The following BIRC6 variants were observed in gnomAD, a reference collection of about 807,000 sequenced individuals.
BIRC6 encodes the protein dual E2 ubiquitin-conjugating enzyme/E3 ubiquitin-protein ligase BIRC6.
BIRC6 carries 98 observed loss-of-function variants against 503.3 expected under a neutral mutation model. The ratio of observed to expected loss-of-function variants is 0.19; its 90% CI spans 0.17 to 0.23. The LOEUF is 0.23. Among genes scored for constraint, BIRC6 ranks in the 10% least tolerant of loss-of-function variants. The pLI is 1.00. For synonymous variants in BIRC6, 2,240 were observed against 2,078.7 expected, an observed-to-expected ratio of 1.08 and a Z score of -2.11; for missense variants, 5,360 against 5,806.0, an observed-to-expected ratio of 0.92 and a Z score of 2.50.
chr2:32,478,865 A>T, intron 36 of BIRC6, 47 bp downstream of exon 36: 1 of 1,565,182 alleles, frequency 6.4e-7, no homozygotes, highest in East Asian at 2.2e-5. Context: ...TTACCTTGTC[A>T]TTGCTCAACT....
intron 9 of BIRC6, 25 bp downstream of exon 9, chr2:32,406,582 T>C: frequency 6.5e-7 from 1 of 1,549,610 alleles, no homozygotes; most frequent in Non-Finnish European, 8.9e-7. Context: ...TTAGATAATG[T>C]ATTTAAAAAA....
intron 55 of BIRC6, among the ~76,000 whole-genome samples, chr2:32,516,269 T>G (rs1422859622): frequency 1.3e-5 from 2 of 151,994 alleles, no homozygotes; most frequent in Admixed American, 6.6e-5. Context: ...ATCCCAGCAC[T>G]TTGGGAGGCT....
At chr2:32,426,720 C>G (rs766892578) in intron 10 of BIRC6, among the ~76,000 whole-genome samples, 3 of 152,228 alleles carry the variant, frequency 2.0e-5, no homozygotes, top group Non-Finnish European at 2.9e-5. Context: ...TATTCACCTA[C>G]TTACCATTTC....
intron 65 of BIRC6, among the ~76,000 whole-genome samples, chr2:32,558,440 G>T (rs1171215879): frequency 1.3e-5 from 2 of 152,040 alleles, no homozygotes; most frequent in Non-Finnish European, 2.9e-5. Context: ...TTTTTCCTTT[G>T]AAGATTAGAG....
chr2:32,496,974 A>T (rs187127219), intron 45 of BIRC6, among the ~76,000 whole-genome samples: 2 of 152,212 alleles, frequency 1.3e-5, no homozygotes, highest in Admixed American at 1.3e-4. Context: ...CTTATGAAAC[A>T]TTGTCTTTCA....
At position 32,515,628 on chromosome 2, in the gene BIRC6, C is replaced by A. The variant is rs7588124; in HGVS notation, c.11207C>A (p.Thr3736Asn). The change falls in exon 55 of 74, where the codon ACC becomes AAC. Residue 3736 changes from threonine (T) to asparagine (N), a missense_variant. This residue lies in a region of BIRC6 where 878 missense variants were observed against 928.9 expected (regional missense o/e 0.95). Coordinates refer to ENST00000421745, the MANE Select transcript of BIRC6 (RefSeq NM_016252.4). ...AGCCATAATTTAGGTGCACAACAGA[C>A]CAGTGCAAGATCAGCTTCTCTTTCT... ...SGSHNLGAQQTSARSASLSSA... is the reference protein window; with the variant it reads ...SGSHNLGAQQNSARSASLSSA... The A allele has an allele frequency of 9.8e-4, 1,580 of 1,613,080 alleles. 19 individuals are homozygous for A. The African/African-American group carries it at 0.018, about 19-fold the overall frequency.
chr2:32,512,101 C>A (rs905366995), intron 53 of BIRC6, among the ~76,000 whole-genome samples: 1 of 152,130 alleles, frequency 6.6e-6, no homozygotes, highest in Non-Finnish European at 1.5e-5. Flanking sequence ...ATAAAACTGA[C>A]ATTAATGACA....
intron 56 of BIRC6, 82 bp downstream of exon 56, chr2:32,518,479 TTC>T: frequency 1.4e-6 from 2 of 1,406,902 alleles, no homozygotes; most frequent in South Asian, 2.6e-5. Flanking sequence ...ACCTCCTATG[TTC>T]TAACTTCGAG....
chr2:32,512,699 C>T (rs1484930836), intron 53 of BIRC6, among the ~76,000 whole-genome samples: 1 of 152,100 alleles, frequency 6.6e-6, no homozygotes, highest in Non-Finnish European at 1.5e-5. Flanking sequence ...TATGTTATCT[C>T]AAACCTTTTG....
At chr2:32,518,529 T>C (rs1219147182) in intron 56 of BIRC6, 132 bp downstream of exon 56, 1 of 928,760 alleles carries the variant, frequency 1.1e-6, no homozygotes, top group East Asian at 2.6e-5. Flanking sequence ...TTATACCTAA[T>C]GACAGAACTT....
intron 67 of BIRC6, among the ~76,000 whole-genome samples, chr2:32,594,730 G>A (rs886217716): frequency 3.3e-5 from 5 of 152,006 alleles, no homozygotes; most frequent in African/African-American, 7.3e-5. Flanking sequence ...ATGGATGGAT[G>A]GACGGATGGA....
At chr2:32,434,204 T>A (rs991326479) in intron 13 of BIRC6, among the ~76,000 whole-genome samples, 1 of 152,148 alleles carries the variant, frequency 6.6e-6, no homozygotes, top group Admixed American at 6.6e-5. Flanking sequence ...ATACACTCAT[T>A]TTTATCTTTC....
In BIRC6 at chr2:32,467,602, T is replaced by G. The variant is rs541923964; in HGVS notation, c.5434T>G (p.Leu1812Val). 2.5e-5 allele frequency: 40 copies of G among 1,613,858 alleles called. No individual in the cohort carries two copies. The highest frequency in any genetic ancestry group is 2.9e-5 in the Non-Finnish European group (34 of 1,179,890). ...TDVLIPTCGDLASLSIDIWTL... is the reference protein window; with the variant it reads ...TDVLIPTCGDVASLSIDIWTL... ...TGTATTGATTCCCACTTGTGGAGAC[T>G]TGGCCTCTTTGTCAATTGACATTTG... is the stretch of plus-strand genomic sequence containing the variant. Residue 1812 changes from leucine to valine, a missense_variant, in exon 27 of 74, where the codon TTG becomes GTG. This residue lies in a region of BIRC6 where 2,299 missense variants were observed against 2,267.2 expected (regional missense o/e 1.01). Transcript: ENST00000421745.
At chr2:32,408,935 A>G (rs1419125782) in intron 9 of BIRC6, among the ~76,000 whole-genome samples, 1 of 152,136 alleles carries the variant, frequency 6.6e-6, no homozygotes, top group Non-Finnish European at 1.5e-5. Flanking sequence ...ATATTGGAAG[A>G]CCATTGGTGA....
chr2:32,478,292 C>T (rs865976617), intron 35 of BIRC6, among the ~76,000 whole-genome samples: 8 of 152,010 alleles, frequency 5.3e-5, no homozygotes, highest in Middle Eastern at 3.4e-3. Context: ...GAGCTGAAAT[C>T]GCGCCACTTC....
chr2:32,570,939 A>C lies in BIRC6; in HGVS notation c.13145-4217A>C, dbSNP rs541240999. ...TAGCCTCCCAAGTAGCTGGGAATAC[A>C]GGTTTTTGCCATCACATCTGGCTTA... On this transcript the variant is annotated intron_variant, in intron 65 of 73. Transcript: ENST00000421745. Among the ~76,000 whole-genome samples the C allele has an allele frequency of 3.9e-5, 6 of 152,208 alleles. No individual in the cohort carries two copies. In the East Asian group the frequency reaches 1.2e-3, roughly 29 times the overall value.
chr2:32,484,119 C>T (rs554621578), intron 39 of BIRC6, among the ~76,000 whole-genome samples: 58 of 152,228 alleles, frequency 3.8e-4, no homozygotes, highest in African/African-American at 1.3e-3. Context: ...TCAAGCAGTC[C>T]GCCCTCCTCA....
In BIRC6 at chr2:32,482,443, A is replaced by T; in HGVS notation, c.7557A>T (p.Thr2519=). The change falls in exon 39 of 74, where the codon ACA becomes ACT. Residue 2519 remains threonine (T), a synonymous_variant. Transcript: ENST00000421745. ...ATTCTTTTAAGCCAATAAGCAGTACATGGTATGATTATTGGGGTGCTGATT... is the reference window on the plus strand; with the variant it reads ...ATTCTTTTAAGCCAATAAGCAGTACTTGGTATGATTATTGGGGTGCTGATT... ...AAKVFKPISS[T]WYDYWGADYG... 6.2e-7 allele frequency: 1 copy of T among 1,613,860 alleles called. No homozygotes were observed. The highest frequency in any genetic ancestry group is 8.5e-7 in the Non-Finnish European group (1 of 1,179,826).
chr2:32,420,891 T>A (rs2042866114), intron 10 of BIRC6, among the ~76,000 whole-genome samples: 1 of 150,992 alleles, frequency 6.6e-6, no homozygotes, highest in Admixed American at 6.6e-5. Flanking sequence ...TGATTTGTAT[T>A]TTTTTTTTCC....
Sources: allele counts gnomAD v4.1 joint callset (sites outside exome capture counted in the v4.1 genomes callset), GRCh38; gene constraint gnomAD v4.1.1; regional missense constraint gnomAD v4.1.1; transcripts MANE v1.5; gene names NCBI Gene and HGNC (gene_info 2026-07-23, HGNC 2026-07-21).